DNAH14: variants seen among roughly 807,000 people sequenced by gnomAD.
DNAH14 encodes dynein axonemal heavy chain 14.
In DNAH14, 478 loss-of-function variants were observed where a neutral mutation model predicts 520.9. The observed-to-expected ratio is 0.92, with a 90% CI of 0.85 to 0.99. The LOEUF (loss-of-function observed/expected upper bound fraction) is 0.99, where lower values mean the gene tolerates loss of function less well. DNAH14 is among the 50% of genes least tolerant of loss of function. The probability of loss-of-function intolerance (pLI) is 0.00; values close to 1 mark genes in which losing one functional copy is unlikely to be tolerated. For missense variants in DNAH14, 4,831 were observed against 5,234.5 expected, an observed-to-expected ratio of 0.92 and a Z score of 2.38; for synonymous variants, 1,581 against 1,757.2, an observed-to-expected ratio of 0.90 and a Z score of 2.51.
rs557701409 is a variant in DNAH14 at position 225,001,161 on chromosome 1, C to G, written c.831-1622C>G. Among the ~76,000 whole-genome samples the G allele has an allele frequency of 7.9e-5, 12 of 151,466 alleles. No individual in the cohort carries two copies. The East Asian group carries it at 2.3e-3, about 29-fold the overall frequency. On this transcript the variant is annotated intron_variant, in intron 8 of 85. Transcript: ENST00000682510. ...GTTTCTAGGTTACTGGTTTCTTCAG[C>G]TTCAAGTCTGGGATATATTGGGCAA...
chr1:225,207,131 C>T lies in DNAH14; in HGVS notation c.6350C>T (p.Pro2117Leu), dbSNP rs761042839. Residue 2117 changes from proline to leucine, a missense_variant, in exon 41 of 86, where the codon CCT becomes CTT. By Grantham distance (98) the Pro-to-Leu change is moderately conservative. Transcript: ENST00000682510. ...AATCGTCAGAAATTTCAGCCATATC[C>T]TATGGAGGACATAACAGTCGTCATA... The part of the protein sequence containing the change: ...IRNRQKFQPY[P>L]MEDITVVITL... 3.9e-6 allele frequency: 6 copies of T among 1,551,064 alleles called. No individual in the cohort carries two copies. In the South Asian group the frequency reaches 6.0e-5, roughly 15 times the overall value.
rs116255432 is a variant in DNAH14, at chr1:225,140,175, C to T, written c.4255-593C>T. ...CCTTGCCCACGGCATGCTTTTCCTG[C>T]AATAGGTACTATCTTAGTGAGTTAC... On this transcript the variant is annotated intron_variant, in intron 27 of 85. Coordinates refer to ENST00000682510, the MANE Select transcript of DNAH14 (RefSeq NM_001367479.1). Among the ~76,000 whole-genome samples the T allele has an allele frequency of 4.2e-3, 637 of 152,296 alleles. 4 individuals carry two copies. The highest frequency in any genetic ancestry group is 0.015 in the African/African-American group (606 of 41,560).
Position 225,377,345 on chromosome 1 carries a change from A to C in DNAH14, c.12625A>C (p.Ile4209Leu). ...GGTCTTAGGAATACACCCAGAGGCC[A>C]TCAGGAGCTGCTGGGAGACCCAGGG... ...PEVLGIHPEA[I>L]RSCWETQGEK... is the part of the protein sequence containing the mutation. The change falls in exon 79 of 86, where the codon ATC (isoleucine) becomes CTC (leucine). Residue 4209 changes from isoleucine to leucine, a missense_variant. By Grantham distance (5) the Ile-to-Leu change is conservative. Transcript: ENST00000682510. 6.4e-7 allele frequency: 1 copy of C among 1,551,070 alleles called. No individual in the cohort carries two copies. Among genetic ancestry groups the C allele is most frequent in the Non-Finnish European group, 8.7e-7 (1 of 1,146,700 alleles).
chr1:225,382,826 A>G (rs1340633818), intron 81 of DNAH14, among the ~76,000 whole-genome samples: 6 of 152,254 alleles, frequency 3.9e-5, no homozygotes, highest in Admixed American at 3.9e-4. Context: ...TGAATGGATA[A>G]AATATGGTAT....
chr1:225,083,015 G>A (rs1268443082), intron 20 of DNAH14, among the ~76,000 whole-genome samples: 1 of 151,946 alleles, frequency 6.6e-6, no homozygotes, highest in Non-Finnish European at 1.5e-5. Context: ...TTATTTAACA[G>A]TGCTATTTAT....
chr1:225,303,202 G>T lies in DNAH14; in HGVS notation c.8678G>T (p.Gly2893Val). 6.5e-7 allele frequency: 1 copy of T among 1,537,180 alleles called. No homozygotes were observed. The highest frequency in any genetic ancestry group is 8.8e-7 in the Non-Finnish European group (1 of 1,141,432). The change falls in exon 57 of 86, where the codon GGA becomes GTA. Residue 2893 changes from glycine to valine, a missense_variant. Gly to Val is a moderately radical substitution (Grantham distance 109). Transcript: ENST00000682510. ...LHIFVIMSPE[G>V]PSFRQNCRVY... Reference sequence around the variant, plus strand: ...ATTTTTGTGATCATGAGTCCTGAAGGACCTAGCTTCCGCCAAAATTGTAGA... The same window carrying T: ...ATTTTTGTGATCATGAGTCCTGAAGTACCTAGCTTCCGCCAAAATTGTAGA...
intron 34 of DNAH14, 121 bp from the exon 35 acceptor site, chr1:225,159,193 A>T: frequency 2.7e-6 from 2 of 735,642 alleles, no homozygotes; most frequent in Non-Finnish European, 4.4e-6. Flanking sequence ...CTATCCAGTG[A>T]GAGAGAGGAG....
chr1:225,048,271 T>A (rs187234142), intron 15 of DNAH14, among the ~76,000 whole-genome samples: 44 of 152,232 alleles, frequency 2.9e-4, no homozygotes, highest in Non-Finnish European at 3.1e-4. Flanking sequence ...GAGGCCCAGG[T>A]GGGTGGATCA....
intron 46 of DNAH14, among the ~76,000 whole-genome samples, chr1:225,262,928 G>T (rs770195123): frequency 1.3e-5 from 2 of 151,544 alleles, no homozygotes; most frequent in African/African-American, 2.4e-5. Context: ...GATTGCTTGG[G>T]CAGTATGGTC....
chr1:225,153,665 G>T, intron 33 of DNAH14, 85 bp from the exon 34 acceptor site: 1 of 929,308 alleles, frequency 1.1e-6, no homozygotes, highest in Non-Finnish European at 1.6e-6. Flanking sequence ...TAGATTACCT[G>T]TAATTTACCT....
At chr1:225,200,293 G>T (rs1356942167) in intron 38 of DNAH14, among the ~76,000 whole-genome samples, 1 of 152,104 alleles carries the variant, frequency 6.6e-6, no homozygotes, top group East Asian at 1.9e-4. Flanking sequence ...GCAATTCTGT[G>T]TCTTTTAAGT....
intron 21 of DNAH14, among the ~76,000 whole-genome samples, chr1:225,092,466 A>C (rs560138569): frequency 6.6e-6 from 1 of 152,272 alleles, no homozygotes; most frequent in South Asian, 2.1e-4. Flanking sequence ...ATAAATCAAG[A>C]AATTCTTTGA....
At chr1:225,353,339 C>A (rs922839231) in intron 72 of DNAH14, among the ~76,000 whole-genome samples, 1 of 151,962 alleles carries the variant, frequency 6.6e-6, no homozygotes, top group African/African-American at 2.4e-5. Flanking sequence ...TTTAATTTTT[C>A]AAAAATTTGA....
chr1:225,136,796 G>C (rs758845510), intron 27 of DNAH14, among the ~76,000 whole-genome samples: 1 of 152,142 alleles, frequency 6.6e-6, no homozygotes, highest in Non-Finnish European at 1.5e-5. Flanking sequence ...CCAGTCAGTC[G>C]TAGGTTCGTT....
At chr1:224,943,692 A>T (rs890732262) in intron 1 of DNAH14, among the ~76,000 whole-genome samples, 1 of 151,684 alleles carries the variant, frequency 6.6e-6, no homozygotes, top group Admixed American at 6.6e-5. Flanking sequence ...CTGGTATGTT[A>T]TGTCTTTGTT....
intron 22 of DNAH14, 32 bp from the exon 23 acceptor site, chr1:225,100,681 A>T (rs542850385): frequency 1.4e-6 from 2 of 1,460,248 alleles, no homozygotes; most frequent in African/African-American, 1.4e-5. Flanking sequence ...GCCTTAAAAA[A>T]AATAAAATGA....
chr1:225,058,694 T>C (rs1298980436), intron 17 of DNAH14, among the ~76,000 whole-genome samples: 2 of 152,226 alleles, frequency 1.3e-5, no homozygotes, highest in Admixed American at 6.5e-5. Context: ...CTCTACACAC[T>C]GCTTTGAATG....
In DNAH14 at chr1:225,014,259, T is replaced by C. The variant is rs140089020; in HGVS notation, c.1107+6715T>C. Reference sequence around the variant, plus strand: ...TGGGTGAGGCGACGCCCCACCCTACTTTGGCTTGCCCTCTTTGGGCTGCAC... The same window carrying C: ...TGGGTGAGGCGACGCCCCACCCTACCTTGGCTTGCCCTCTTTGGGCTGCAC... On this transcript the variant is annotated intron_variant, in intron 10 of 85. Coordinates refer to ENST00000682510, the MANE Select transcript of DNAH14 (RefSeq NM_001367479.1). Among the ~76,000 whole-genome samples, 304 of 152,300 alleles carry C rather than the reference T, an allele frequency of 2.0e-3. 6 individuals are homozygous for C. The highest frequency in any genetic ancestry group is 0.014 in the East Asian group (75 of 5,176).
intron 44 of DNAH14, among the ~76,000 whole-genome samples, chr1:225,256,180 G>T (rs1260184617): frequency 6.6e-6 from 1 of 152,150 alleles, no homozygotes; most frequent in Non-Finnish European, 1.5e-5. Context: ...TTTAGTTTTA[G>T]TCTAATTACA....
Sources: allele counts gnomAD v4.1 joint callset (sites outside exome capture counted in the v4.1 genomes callset), GRCh38; gene constraint gnomAD v4.1.1; transcripts MANE v1.5; gene names NCBI Gene and HGNC (gene_info 2026-07-23, HGNC 2026-07-21).